NEK1: variants seen among roughly 807,000 people sequenced by gnomAD.
The protein encoded by NEK1 is NIMA related kinase 1, also known as serine/threonine-protein kinase Nek1.
A neutral mutation model predicts 182.1 loss-of-function variants in NEK1; 137 were observed. The ratio of observed to expected loss-of-function variants is 0.75; its 90% CI spans 0.65 to 0.87. The LOEUF is 0.87. Ranked by LOEUF, NEK1 falls within the 40% of genes least tolerant of loss-of-function variation. The pLI, the probability that NEK1 is intolerant of heterozygous loss-of-function variation, is 0.00. For synonymous variants in NEK1, 513 were observed against 492.2 expected, an observed-to-expected ratio of 1.04 and a Z score of -0.56; for missense variants, 1,391 against 1,494.4, an observed-to-expected ratio of 0.93 and a Z score of 1.14.
At chr4:169,408,149 T>TATATAA in intron 31 of NEK1, among the ~76,000 whole-genome samples, 1 of 152,248 alleles carries the variant, frequency 6.6e-6, no homozygotes, top group South Asian at 2.1e-4. Context: ...ATAATTAAAT[T>TATATAA]TGGGGTTACT....
rs11335571 is a variant in NEK1 at position 169,506,935 on chromosome 4, GA to G, written c.2007+101del. The G allele has an allele frequency of 0.21, 127,681 of 595,248 alleles. 16,434 individuals carry two copies. The highest frequency in any genetic ancestry group is 0.59 in the African/African-American group (29,917 of 50,696). 36.9% of individuals were successfully genotyped at this position (595,248 alleles called of 1,614,324 possible). On this transcript the variant is annotated intron_variant, in intron 23 of 35. Transcript: ENST00000507142. ...GAGAGAGAATGAGAATGAAAAAACA[GA>G]AAAAAAAAAGCACAAGAAAATTATA...
intron 23 of NEK1, among the ~76,000 whole-genome samples, chr4:169,505,154 T>C (rs1324478358): frequency 1.3e-5 from 2 of 152,164 alleles, no homozygotes; most frequent in African/African-American, 2.4e-5. Flanking sequence ...AAATATTTTA[T>C]ATAATTATTT....
chr4:169,607,988 G>A (rs1364113952), intron 2 of NEK1, among the ~76,000 whole-genome samples: 1 of 151,844 alleles, frequency 6.6e-6, no homozygotes, highest in Non-Finnish European at 1.5e-5. Flanking sequence ...GAAATGTATA[G>A]GAAGACTTAA....
At chr4:169,510,346 T>C (rs954044902) in intron 19 of NEK1, among the ~76,000 whole-genome samples, 1 of 152,196 alleles carries the variant, frequency 6.6e-6, no homozygotes, top group South Asian at 2.1e-4. Context: ...TCCTTCTTTT[T>C]ACTATATAAT....
intron 23 of NEK1, among the ~76,000 whole-genome samples, chr4:169,493,918 T>C (rs1024320313): frequency 1.3e-5 from 2 of 152,162 alleles, no homozygotes; most frequent in East Asian, 1.9e-4. Context: ...GAGGTTGATA[T>C]GCAGACACAA....
At chr4:169,545,325 T>C (rs1474475255) in intron 18 of NEK1, among the ~76,000 whole-genome samples, 2 of 151,782 alleles carry the variant, frequency 1.3e-5, no homozygotes, top group African/African-American at 2.4e-5. Context: ...GTTCTTGCGA[T>C]AGTTTACTGA....
In NEK1 at chr4:169,585,073, C is replaced by T. The variant is rs149450371; in HGVS notation, c.807+276G>A. Reference sequence around the variant, plus strand: ...GTGTGGTGGTGCACACCTGTAGTCTCAGCTACTCAGGAGGCTGAGGCAGAA... The same window carrying T: ...GTGTGGTGGTGCACACCTGTAGTCTTAGCTACTCAGGAGGCTGAGGCAGAA... On this transcript the variant is annotated intron_variant, in intron 10 of 35. Transcript: ENST00000507142. 4.6e-3 allele frequency among the ~76,000 whole-genome samples: 698 copies of T among 152,138 alleles called. 1 individual carries two copies. The Middle Eastern group carries it at 0.048, about 10-fold the overall frequency.
Position 169,406,634 on chromosome 4 carries a change from A to T in NEK1, c.3336T>A (p.Asp1112Glu). Reference protein sequence around the residue: ...QDNLEIDEIEDENIKEGPSDS... With the variant: ...QDNLEIDEIEEENIKEGPSDS... ...CAGAAGGTCCTTCTTTAATGTTTTC[A>T]TCTTCAATTTCATCTATTTCAAGAT... The change falls in exon 32 of 36, where the codon GAT becomes GAA. Residue 1112 changes from aspartate to glutamate, a missense_variant. By Grantham distance (45) the Asp-to-Glu change is conservative. Coordinates refer to ENST00000507142, the MANE Select transcript of NEK1 (RefSeq NM_001199397.3). The T allele has an allele frequency of 6.2e-7, 1 of 1,607,614 alleles. No homozygotes were observed. The highest frequency in any genetic ancestry group is 8.5e-7 in the Non-Finnish European group (1 of 1,176,872).
intron 12 of NEK1, among the ~76,000 whole-genome samples, chr4:169,564,623 A>G (rs1212131961): frequency 2.0e-5 from 3 of 152,086 alleles, no homozygotes; most frequent in African/African-American, 7.2e-5. Flanking sequence ...GCATACAAAA[A>G]TTTACTTTCA....
At chr4:169,524,588 A>G (rs2149764803) in intron 19 of NEK1, among the ~76,000 whole-genome samples, 1 of 152,346 alleles carries the variant, frequency 6.6e-6, no homozygotes, top group African/African-American at 2.4e-5. Context: ...TGTGTGAAAA[A>G]AGAGTATTTT....
At chr4:169,523,512 A>C (rs1374520955) in intron 19 of NEK1, among the ~76,000 whole-genome samples, 1 of 152,158 alleles carries the variant, frequency 6.6e-6, no homozygotes, top group Non-Finnish European at 1.5e-5. Context: ...CAATAACCAA[A>C]AGGTAGGAAG....
chr4:169,562,682 A>T (rs2149951470), intron 12 of NEK1, among the ~76,000 whole-genome samples: 1 of 152,246 alleles, frequency 6.6e-6, no homozygotes, highest in South Asian at 2.1e-4. Context: ...ATACAGTTCA[A>T]CTATATACAT....
At chr4:169,513,992 T>C (rs1754651286) in intron 19 of NEK1, among the ~76,000 whole-genome samples, 1 of 150,760 alleles carries the variant, frequency 6.6e-6, no homozygotes, top group Non-Finnish European at 1.5e-5. Flanking sequence ...TTTATTTATT[T>C]ATTTATTTTT....
At position 169,590,813 on chromosome 4, in the gene NEK1, G is replaced by A; in HGVS notation, c.313-4C>T. 2 of 1,579,634 alleles carry A rather than the reference G, an allele frequency of 1.3e-6. No homozygotes were observed. Among genetic ancestry groups the A allele is most frequent in the East Asian group, 2.3e-5 (1 of 44,028 alleles). On this transcript the variant is annotated splice_region_variant and splice_polypyrimidine_tract_variant and intron_variant, in intron 5 of 35. Coordinates refer to ENST00000507142, the MANE Select transcript of NEK1 (RefSeq NM_001199397.3). ...TCTGTACAAACCAGTCCAAAATCTA[G>A]GAAGAAAAATCAGATCTGTCAAGCC...
At chr4:169,588,910 T>C (rs1294361073) in intron 7 of NEK1, among the ~76,000 whole-genome samples, 175 bp from the exon 8 acceptor site, 1 of 152,128 alleles carries the variant, frequency 6.6e-6, no homozygotes, top group Non-Finnish European at 1.5e-5. Context: ...GTAGAGCAAT[T>C]ACTTTATTTT....
intron 35 of NEK1, among the ~76,000 whole-genome samples, chr4:169,399,141 A>T (rs1197022464): frequency 6.6e-6 from 1 of 152,042 alleles, no homozygotes; most frequent in Non-Finnish European, 1.5e-5. Context: ...GCTACTCAGG[A>T]GGCTGAGGCA....
chr4:169,589,030 C>A (rs908291354), intron 7 of NEK1, among the ~76,000 whole-genome samples: 2 of 152,182 alleles, frequency 1.3e-5, no homozygotes, highest in Non-Finnish European at 2.9e-5. Flanking sequence ...TCACAGAAAG[C>A]AACTTCCAGT....
At chr4:169,579,529 G>A (rs890658331) in intron 11 of NEK1, among the ~76,000 whole-genome samples, 3 of 152,096 alleles carry the variant, frequency 2.0e-5, no homozygotes, top group African/African-American at 7.2e-5. Context: ...GGTGGCTCAT[G>A]CCTGTAATCC....
At chr4:169,525,435 G>A (rs552828176) in intron 19 of NEK1, among the ~76,000 whole-genome samples, 3 of 152,152 alleles carry the variant, frequency 2.0e-5, no homozygotes, top group South Asian at 2.1e-4. Flanking sequence ...CAGCCCAAAC[G>A]TTATTTTAGA....
Sources: allele counts gnomAD v4.1 joint callset (sites outside exome capture counted in the v4.1 genomes callset), GRCh38; gene constraint gnomAD v4.1.1; transcripts MANE v1.5; gene names NCBI Gene and HGNC (gene_info 2026-07-23, HGNC 2026-07-21).